Variants in BMAL2 observed in about 807,000 individuals in gnomAD.
The protein encoded by BMAL2 is basic helix-loop-helix ARNT-like protein 2.
At chr12:27,416,060 C>A in the BMAL2 span, 1 of 704,340 alleles carries the variant, frequency 1.4e-6, no homozygotes, top group South Asian at 2.0e-5. Flanking sequence ...AAAAATGAAC[C>A]CATTTTGATC....
chr12:27,368,508 T>C, the BMAL2 span: 3 of 1,431,616 alleles, frequency 2.1e-6, no homozygotes, highest in African/African-American at 4.2e-5. Flanking sequence ...TCCAAGTTCA[T>C]GGTAACATTT....
the BMAL2 span, among the ~76,000 whole-genome samples, chr12:27,373,738 T>C: frequency 6.6e-6 from 1 of 152,224 alleles, no homozygotes; most frequent in African/African-American, 2.4e-5. Flanking sequence ...TCTAACTTTG[T>C]CTTTGGTTGA....
the BMAL2 span, among the ~76,000 whole-genome samples, chr12:27,406,334 A>G: frequency 6.6e-6 from 1 of 152,262 alleles, no homozygotes; most frequent in Non-Finnish European, 1.5e-5. Flanking sequence ...TGTTAAGGGC[A>G]GCCAGAGAGA....
At chr12:27,397,074 G>GTTTA in the BMAL2 span, among the ~76,000 whole-genome samples, 1 of 146,190 alleles carries the variant, frequency 6.8e-6, no homozygotes, top group Non-Finnish European at 1.5e-5. Context: ...TTGTTTGTTT[G>GTTTA]TTTATTTATT....
At chr12:27,361,494 T>C in the BMAL2 span, among the ~76,000 whole-genome samples, 2 of 152,190 alleles carry the variant, frequency 1.3e-5, no homozygotes, top group South Asian at 4.1e-4. Flanking sequence ...CACTGAGAAG[T>C]CACTCAATTT....
chr12:27,400,727 T>G, the BMAL2 span: 1 of 1,613,154 alleles, frequency 6.2e-7, no homozygotes, highest in Non-Finnish European at 8.5e-7. Context: ...CAACTGAATT[T>G]ATAACCCGGT....
the BMAL2 span, chr12:27,390,178 A>G: frequency 6.2e-7 from 1 of 1,613,886 alleles, no homozygotes; most frequent in East Asian, 2.2e-5. Flanking sequence ...TCTGTCGGAT[A>G]AAGAGTTGTA....
chr12:27,339,683 GGT>G, the BMAL2 span, among the ~76,000 whole-genome samples: 1 of 151,078 alleles, frequency 6.6e-6, no homozygotes, highest in Non-Finnish European at 1.5e-5. Context: ...GGAGTGCAGT[GGT>G]GCGATCTCTG....
chr12:27,353,748 A>G, the BMAL2 span, among the ~76,000 whole-genome samples: 1 of 152,244 alleles, frequency 6.6e-6, no homozygotes, highest in Non-Finnish European at 1.5e-5. Context: ...TGTATTAAAA[A>G]AACGGGCAAA....
chr12:27,376,885 A>T, the BMAL2 span, among the ~76,000 whole-genome samples: 1 of 151,536 alleles, frequency 6.6e-6, no homozygotes, highest in Non-Finnish European at 1.5e-5. Flanking sequence ...CTGTAGTCCC[A>T]GCTACTCGGG....
chr12:27,414,465 A>G, the BMAL2 span, among the ~76,000 whole-genome samples: 4,362 of 152,328 alleles, frequency 0.029, 99 homozygotes, highest in Non-Finnish European at 0.046. Context: ...TTTTCTGGCC[A>G]CAATGGTAAG....
At chr12:27,385,074 G>A in the BMAL2 span, among the ~76,000 whole-genome samples, 1 of 152,220 alleles carries the variant, frequency 6.6e-6, no homozygotes, top group Non-Finnish European at 1.5e-5. Context: ...AGCACTTTGG[G>A]AGGCTGAGGT....
chr12:27,422,052 G>A, the BMAL2 span: 2 of 152,044 alleles, frequency 1.3e-5, no homozygotes, highest in African/African-American at 4.8e-5. Context: ...AATTTGGAGA[G>A]CATTTTTAAC....
chr12:27,372,875 G>A, the BMAL2 span, among the ~76,000 whole-genome samples: 57 of 152,114 alleles, frequency 3.7e-4, no homozygotes, highest in African/African-American at 1.4e-3. Flanking sequence ...GGATTTGACC[G>A]TATTAGCCAG....
At chr12:27,410,144 G>T in the BMAL2 span, among the ~76,000 whole-genome samples, 1 of 151,840 alleles carries the variant, frequency 6.6e-6, no homozygotes, top group East Asian at 1.9e-4. Context: ...TACACTGTTG[G>T]TGGGACTGTA....
At chr12:27,417,998 A>T in the BMAL2 span, 2 of 829,710 alleles carry the variant, frequency 2.4e-6, no homozygotes, top group Non-Finnish European at 3.5e-6. Context: ...ATCTCAAAAA[A>T]ATAAAAAATA....
At chr12:27,354,071 A>C in the BMAL2 span, among the ~76,000 whole-genome samples, 1 of 152,236 alleles carries the variant, frequency 6.6e-6, no homozygotes, top group Non-Finnish European at 1.5e-5. Context: ...TACTAGGTGT[A>C]TACCCAAAGG....
the BMAL2 span, among the ~76,000 whole-genome samples, chr12:27,379,438 G>A: frequency 6.6e-6 from 1 of 152,180 alleles, no homozygotes; most frequent in Non-Finnish European, 1.5e-5. Context: ...AGAGAGCGGT[G>A]CTAAGCAGGG....
the BMAL2 span, among the ~76,000 whole-genome samples, chr12:27,413,581 GAA>G: frequency 6.6e-6 from 1 of 152,150 alleles, no homozygotes; most frequent in South Asian, 2.1e-4. Context: ...AAGACAGTAA[GAA>G]AGGAAGAATG....
Sources: allele counts gnomAD v4.1 joint callset (sites outside exome capture counted in the v4.1 genomes callset), GRCh38; gene constraint gnomAD v4.1.1; transcripts MANE v1.5; gene names NCBI Gene and HGNC (gene_info 2026-07-23, HGNC 2026-07-21).